The following PCDHB9 variants were observed in gnomAD, a reference collection of about 807,000 sequenced individuals.
PCDHB9 encodes protocadherin beta-9.
For synonymous variants in PCDHB9, 501 were observed against 439.7 expected (o/e 1.14, Z -1.75); for missense variants, 1,072 against 995.1 (o/e 1.08, Z -1.04).
Position 141,188,029 on chromosome 5 carries a change from C to A in PCDHB9, c.711C>A (p.Asp237Glu), listed in dbSNP as rs201152118. The part of the protein sequence containing the change: ...TIRIVVLDVN[D>E]NVPQFAQALY... ...GCATTGTGGTCTTGGATGTCAATGA[C>A]AATGTCCCACAGTTTGCCCAGGCTC... Residue 237 changes from aspartate to glutamate, a missense_variant, in exon 1 of 1, where the codon GAC becomes GAA. Asp to Glu is a conservative substitution (Grantham distance 45). Transcript: ENST00000316105. 6.2e-7 allele frequency: 1 copy of A among 1,614,040 alleles called. No individual in the cohort carries two copies. The highest frequency in any genetic ancestry group is 2.2e-5 in the East Asian group (1 of 44,878).
In PCDHB9 at chr5:141,188,605, C is replaced by A; in HGVS notation, c.1287C>A (p.Pro429=). Residue 429 remains proline (P), a synonymous_variant, in exon 1 of 1, where the codon CCC becomes CCA. Transcript: ENST00000316105. The part of the protein sequence containing the change: ...ITITVTDLGT[P]RLKTEHSITL... ...TCACCGTCACTGACTTGGGGACACC[C>A]AGGCTGAAAACCGAGCACAGCATAA... 1.9e-6 allele frequency: 3 copies of A among 1,614,222 alleles called. No individual in the cohort carries two copies. Among genetic ancestry groups the A allele is most frequent in the Non-Finnish European group, 2.5e-6 (3 of 1,180,046 alleles).
rs1554283237 is a variant in PCDHB9 at position 141,189,105 on chromosome 5, C to T, written c.1787C>T (p.Ser596Leu). 5 of 1,601,794 alleles carry T rather than the reference C, an allele frequency of 3.1e-6. No homozygotes were observed. Among genetic ancestry groups the T allele is most frequent in the Non-Finnish European group, 4.2e-6 (5 of 1,178,278 alleles). Reference sequence around the variant, plus strand: ...AAGGTGGTGGCGGTGGACGGCGACTCGGGCCAGAACGCCTGGCTGTCGTAC... The same window carrying T: ...AAGGTGGTGGCGGTGGACGGCGACTTGGGCCAGAACGCCTGGCTGTCGTAC... ...VTKVVAVDGD[S>L]GQNAWLSYQL... The change falls in exon 1 of 1, where the codon TCG becomes TTG. Residue 596 changes from serine to leucine, a missense_variant. Coordinates refer to ENST00000316105, the MANE Select transcript of PCDHB9 (RefSeq NM_019119.5).
chr5:141,189,625 G>A lies in PCDHB9; in HGVS notation c.2307G>A (p.Pro769=). The part of the protein sequence containing the change: ...SETGEFKFLK[P]ITPHLPPHRG... ...CCGGCGAGTTCAAGTTCTTGAAGCCGATTACCCCCCACCTCCCGCCCCATA... is the reference window on the plus strand; with the variant it reads ...CCGGCGAGTTCAAGTTCTTGAAGCCAATTACCCCCCACCTCCCGCCCCATA... Residue 769 remains proline, a synonymous_variant, in exon 1 of 1, where the codon CCG becomes CCA. Transcript: ENST00000316105. The A allele has an allele frequency of 6.2e-7, 1 of 1,614,070 alleles. No homozygotes were observed. The highest frequency in any genetic ancestry group is 8.5e-7 in the Non-Finnish European group (1 of 1,180,000).
chr5:141,188,512 C>CA lies in PCDHB9; in HGVS notation c.1196dup (p.Asn399LysfsTer8). ...CTTTTTTTCTGAAACCGTCTGTTGA[C>CA]AATTTTTACATCCTAATGACTGAAG... On this transcript the variant is annotated frameshift_variant, in exon 1 of 1. Transcript: ENST00000316105. LOFTEE classifies it low-confidence loss of function (END_TRUNC). 4 of 1,614,162 alleles carry CA rather than the reference C, an allele frequency of 2.5e-6. No individual in the cohort carries two copies. Among genetic ancestry groups the CA allele is most frequent in the Non-Finnish European group, 3.4e-6 (4 of 1,180,030 alleles).
In PCDHB9 at chr5:141,188,291, G is replaced by A. The variant is rs375710194; in HGVS notation, c.973G>A (p.Gly325Arg). ...AATAAATATACAGGCAATGGACGGC[G>A]GAGGCCTTTCTGCAAGATGTACAGT... ...YKINIQAMDG[G>R]GLSARCTVLI... The change falls in exon 1 of 1, where the codon GGA becomes AGA. Residue 325 changes from glycine to arginine, a missense_variant. By Grantham distance (125) the Gly-to-Arg change is moderately radical. Coordinates refer to ENST00000316105, the MANE Select transcript of PCDHB9 (RefSeq NM_019119.5). 2 of 1,614,048 alleles carry A rather than the reference G, an allele frequency of 1.2e-6. No individual in the cohort carries two copies. Among genetic ancestry groups the A allele is most frequent in the Admixed American group, 3.3e-5 (2 of 59,990 alleles).
Sources: allele counts gnomAD v4.1 joint callset, GRCh38; gene constraint gnomAD v4.1.1; transcripts MANE v1.5; gene names NCBI Gene and HGNC (gene_info 2026-07-23, HGNC 2026-07-21).